MACF1: variants seen among roughly 807,000 people sequenced by gnomAD.
MACF1 encodes microtubule-actin cross-linking factor 1.
Under a neutral mutation model 854.8 loss-of-function variants are expected in MACF1, and 193 were observed. The ratio of observed to expected loss-of-function variants is 0.23; its 90% CI spans 0.20 to 0.25. The LOEUF is 0.25. MACF1 is among the 10% of genes least tolerant of loss of function. The probability of loss-of-function intolerance (pLI) is 1.00; values close to 1 mark genes in which losing one functional copy is unlikely to be tolerated. For synonymous variants in MACF1, 3,185 were observed against 3,226.7 expected (o/e 0.99, Z 0.44); for missense variants, 7,722 against 8,929.1 (o/e 0.86, Z 5.45).
chr1:39,401,212 C>G (rs1038544859), intron 58 of MACF1, among the ~76,000 whole-genome samples: 2 of 152,136 alleles, frequency 1.3e-5, no homozygotes, highest in African/African-American at 4.8e-5. Flanking sequence ...CTTGTATGCT[C>G]TACAAATTCA....
At chr1:39,234,749 C>A (rs1417890310) in intron 2 of MACF1, among the ~76,000 whole-genome samples, 1 of 127,430 alleles carries the variant, frequency 7.8e-6, no homozygotes, top group Admixed American at 8.0e-5. Flanking sequence ...ACTTCTCAGA[C>A]GGGGCGGTTG....
intron 49 of MACF1, among the ~76,000 whole-genome samples, chr1:39,367,927 G>A (rs1490483978): frequency 2.0e-5 from 3 of 148,922 alleles, no homozygotes; most frequent in African/African-American, 5.0e-5. Context: ...CCAAGATACC[G>A]CCATTGTACT....
At chr1:39,235,365 C>G (rs905204070) in intron 2 of MACF1, among the ~76,000 whole-genome samples, 1 of 152,192 alleles carries the variant, frequency 6.6e-6, no homozygotes, top group Non-Finnish European at 1.5e-5. Flanking sequence ...CGTGGTGGCG[C>G]GAGCCTGCAA....
chr1:39,178,816 G>C (rs963360253), intron 2 of MACF1, among the ~76,000 whole-genome samples: 2 of 152,188 alleles, frequency 1.3e-5, no homozygotes, highest in Non-Finnish European at 2.9e-5. Context: ...AGATCAGGTG[G>C]CTTGTGATCA....
Position 39,309,555 on chromosome 1 carries a change from C to G in MACF1, c.2790-15C>G, listed in dbSNP as rs761095056. The stretch of plus-strand genomic sequence containing the variant: ...GTCTTACAAAGGTAATAGTCAGGTT[C>G]TGTGTTATTTCTAGGGTCGAACAAT... On this transcript the variant is annotated splice_polypyrimidine_tract_variant and intron_variant, in intron 23 of 100. Coordinates refer to ENST00000564288, the MANE Select transcript of MACF1 (RefSeq NM_001394062.1). 16 of 1,613,572 alleles carry G rather than the reference C, an allele frequency of 9.9e-6. No individual in the cohort carries two copies. The East Asian group carries it at 3.3e-4, about 34-fold the overall frequency.
chr1:39,337,436 A>G (rs561178401), intron 38 of MACF1, 105 bp downstream of exon 38: 1 of 1,120,890 alleles, frequency 8.9e-7, no homozygotes, highest in South Asian at 1.7e-5. Flanking sequence ...ACTCTATTCT[A>G]GGGTAAACAA....
At position 39,477,062 on chromosome 1, in the gene MACF1, T is replaced by TACACACACAC. The variant is rs1557674870; in HGVS notation, c.21959-2735_21959-2734insCACACACACA. Reference sequence around the variant, plus strand: ...CACTTAGTGTATATATATATATATATATATATATATATATATATATATATA... The same window carrying TACACACACAC: ...CACTTAGTGTATATATATATATATATACACACACACATATATATATATATATATATATATA... On this transcript the variant is annotated intron_variant, in intron 97 of 100. Transcript: ENST00000564288. Among the ~76,000 whole-genome samples the TACACACACAC allele has an allele frequency of 6.3e-4, 14 of 22,134 alleles. No homozygotes were observed. In the Admixed American group the frequency reaches 7.6e-3, roughly 12 times the overall value. 14.5% of individuals were successfully genotyped at this position (22,134 alleles called of 152,430 possible).
chr1:39,439,084 CAAAAAAA>C (rs760415601), intron 71 of MACF1, among the ~76,000 whole-genome samples, 183 bp from the exon 72 acceptor site: 1 of 84,860 alleles, frequency 1.2e-5, no homozygotes, highest in Non-Finnish European at 2.6e-5. Flanking sequence ...ACTCTGTCTC[CAAAAAAA>C]AAAAAAAGAA....
chr1:39,319,174 T>G (rs1002258288), intron 30 of MACF1, among the ~76,000 whole-genome samples: 8 of 152,176 alleles, frequency 5.3e-5, no homozygotes, highest in African/African-American at 1.9e-4. Context: ...TGGACATAGT[T>G]TGTTATTTAT....
intron 6 of MACF1, among the ~76,000 whole-genome samples, chr1:39,275,909 T>TCTG (rs1489134795): frequency 1.4e-3 from 62 of 44,984 alleles, no homozygotes; most frequent in African/African-American, 2.9e-3. Flanking sequence ...TGTGCCTTCA[T>TCTG]CTGCTTCTTC....
chr1:39,355,569 C>T (rs1370579242), intron 44 of MACF1, among the ~76,000 whole-genome samples: 8 of 146,612 alleles, frequency 5.5e-5, no homozygotes, highest in African/African-American at 2.0e-4. Flanking sequence ...CGGGTTCAAG[C>T]CATTCTCCTC....
At chr1:39,467,654 T>C (rs1265398264) in intron 95 of MACF1, 1 of 152,218 alleles carries the variant, frequency 6.6e-6, no homozygotes, top group Non-Finnish European at 1.5e-5. Flanking sequence ...TATTGGATAC[T>C]GTTCATAATC....
chr1:39,400,964 A>G (rs879606644), intron 58 of MACF1, among the ~76,000 whole-genome samples: 2 of 152,200 alleles, frequency 1.3e-5, no homozygotes, highest in Non-Finnish European at 2.9e-5. Context: ...TTTGATAACA[A>G]TGAAACAAGT....
At position 39,190,392 on chromosome 1, in the gene MACF1, T is replaced by TTTG. The variant is rs1347872465; in HGVS notation, c.221-40787_221-40785dup. ...TTTTGTGTGTGTGTGTGTGTGTGTG[T>TTTG]TTGTTTTTGTTTTTTTTTTTTTTTT... On this transcript the variant is annotated intron_variant, in intron 2 of 93. Transcript: ENST00000361689. 2.0e-4 allele frequency among the ~76,000 whole-genome samples: 20 copies of TTTG among 99,570 alleles called. 1 individual carries two copies. Among genetic ancestry groups the TTTG allele is most frequent in the Non-Finnish European group, 3.2e-4 (15 of 47,348 alleles). The allele number at this position is 99,570 out of a possible 152,430, so 65.3% of individuals were successfully genotyped here.
chr1:39,444,385 T>G (rs999898190), intron 79 of MACF1, among the ~76,000 whole-genome samples: 2 of 152,200 alleles, frequency 1.3e-5, no homozygotes, highest in African/African-American at 4.8e-5. Flanking sequence ...TTTTAATATT[T>G]TAATTTGCCA....
chr1:39,334,047 G>A lies in MACF1; in HGVS notation c.7459G>A (p.Gly2487Ser). 1 of 1,614,158 alleles carries A rather than the reference G, an allele frequency of 6.2e-7. No homozygotes were observed. Among genetic ancestry groups the A allele is most frequent in the Non-Finnish European group, 8.5e-7 (1 of 1,180,022 alleles). Residue 2487 changes from glycine (G) to serine (S), a missense_variant, in exon 37 of 101, where the codon GGT becomes AGT. Around this residue, in one of 15 missense-constraint regions of MACF1, gnomAD observed 1,531 missense variants for 1,601.6 expected, o/e 0.96. Coordinates refer to ENST00000564288, the MANE Select transcript of MACF1 (RefSeq NM_001394062.1). ...AACAGTTGTGCAGTCCATTGACAGAGGTCTTTTGGAGAGAGAGGAGGCCGT... is the reference window on the plus strand; with the variant it reads ...AACAGTTGTGCAGTCCATTGACAGAAGTCTTTTGGAGAGAGAGGAGGCCGT... ...PLTVVQSIDR[G>S]LLEREEAVRL...
intron 35 of MACF1, among the ~76,000 whole-genome samples, chr1:39,325,032 A>G (rs1646583681): frequency 6.6e-6 from 1 of 152,262 alleles, no homozygotes; most frequent in South Asian, 2.1e-4. Context: ...TAATGTAGAC[A>G]AGAAATGACG....
chr1:39,455,135 G>A (rs767930142), intron 89 of MACF1, 38 bp downstream of exon 89: 17 of 1,595,142 alleles, frequency 1.1e-5, no homozygotes, highest in Middle Eastern at 1.7e-4. Flanking sequence ...GGTGTTTTCC[G>A]TGTTGGGCAT....
Position 39,427,441 on chromosome 1 carries a change from A to G in MACF1, c.16317-14A>G, listed in dbSNP as rs780415099. 14 of 1,612,842 alleles carry G rather than the reference A, an allele frequency of 8.7e-6. No individual in the cohort carries two copies. In the Admixed American group the frequency reaches 1.0e-4, roughly 12 times the overall value. On this transcript the variant is annotated splice_polypyrimidine_tract_variant and intron_variant, in intron 61 of 100. Transcript: ENST00000564288. ...CTTTTCTTCCTGAGCAGCTTGTTCTATATATTTGTGTAGGCAAAAACAGCT... is the reference window on the plus strand; with the variant it reads ...CTTTTCTTCCTGAGCAGCTTGTTCTGTATATTTGTGTAGGCAAAAACAGCT...
Sources: allele counts gnomAD v4.1 joint callset (sites outside exome capture counted in the v4.1 genomes callset), GRCh38; gene constraint gnomAD v4.1.1; regional missense constraint gnomAD v4.1.1; transcripts MANE v1.5; gene names NCBI Gene and HGNC (gene_info 2026-07-23, HGNC 2026-07-21).